Variants in GPR37 observed in about 807,000 individuals in gnomAD.
The protein encoded by GPR37 is prosaposin receptor GPR37.
GPR37 carries 20 observed loss-of-function variants against 43.6 expected under a neutral mutation model. The ratio of observed to expected loss-of-function variants is 0.46; its 90% confidence interval spans 0.32 to 0.67. The LOEUF (loss-of-function observed/expected upper bound fraction) is 0.67. Among genes scored for constraint, GPR37 ranks in the 30% least tolerant of loss-of-function variants. The pLI, the probability that GPR37 is intolerant of heterozygous loss-of-function variation, is 0.03. For synonymous variants in GPR37, 315 were observed against 322.6 expected (o/e 0.98, Z 0.25); for missense variants, 724 against 797.2 (o/e 0.91, Z 1.11).
At position 124,764,135 on chromosome 7, in the gene GPR37, G is replaced by T. The variant is rs1194102577; in HGVS notation, c.842C>A (p.Ala281Glu). ...IFGTGIIGNL[A>E]VMCIVCHNYY... is the part of the protein sequence containing the mutation. ...GTTGTGGCACACGATGCACATCACC[G>T]CCAGGTTGCCAATGATGCCGGTCCC... The change falls in exon 1 of 2, where the codon GCG becomes GAG. Residue 281 changes from alanine (A) to glutamate (E), a missense_variant. By Grantham distance (107) the Ala-to-Glu change is moderately radical. Transcript: ENST00000303921. This position sits in a 1 kb window ranked among gnomAD's most constrained non-coding sequence, Gnocchi z 5.4. 3.7e-6 allele frequency: 6 copies of T among 1,608,944 alleles called. No homozygotes were observed. The highest frequency in any genetic ancestry group is 5.1e-6 in the Non-Finnish European group (6 of 1,177,086).
In GPR37 at chr7:124,764,933, A is replaced by T; in HGVS notation, c.44T>A (p.Leu15Gln). The T allele has an allele frequency of 6.5e-7, 1 of 1,539,040 alleles. No individual in the cohort carries two copies. Among genetic ancestry groups the T allele is most frequent in the Non-Finnish European group, 8.7e-7 (1 of 1,145,600 alleles). Reference protein sequence around the residue: ...GALLARMSRLLLLLLLKVSAS... With the variant: ...GALLARMSRLQLLLLLKVSAS... Reference sequence around the variant, plus strand: ...AGACACCTTGAGCAGTAGCAGAAGCAGTAGCCGCGACATGCGGGCGAGAAG... The same window carrying T: ...AGACACCTTGAGCAGTAGCAGAAGCTGTAGCCGCGACATGCGGGCGAGAAG... The change falls in exon 1 of 2, where the codon CTG becomes CAG. Residue 15 changes from leucine (L) to glutamine (Q), a missense_variant. Physicochemically the swap from Leu to Gln is moderately radical, Grantham distance 113. Around this residue, in one of 2 missense-constraint regions of GPR37, gnomAD observed 382 missense variants for 355.4 expected, o/e 1.07. Transcript: ENST00000303921. The surrounding 1 kb of genome is among the most constrained non-coding windows in gnomAD (Gnocchi z 5.4).
At chr7:124,762,892 C>T (rs1793867030) in intron 1 of GPR37, among the ~76,000 whole-genome samples, 1 of 152,162 alleles carries the variant, frequency 6.6e-6, no homozygotes, top group Non-Finnish European at 1.5e-5. Flanking sequence ...TACAGTTTCC[C>T]TTCTTCTGCT....
rs1448456566 is a variant in GPR37, at chr7:124,764,896, G to C, written c.81C>G (p.Ala27=). 6.2e-7 allele frequency: 1 copy of C among 1,601,982 alleles called. No homozygotes were observed. The highest frequency in any genetic ancestry group is 8.5e-7 in the Non-Finnish European group (1 of 1,174,970). Residue 27 remains alanine (A), a synonymous_variant, in exon 1 of 2, where the codon GCC becomes GCG. Transcript: ENST00000303921. The surrounding 1 kb of genome is among the most constrained non-coding windows in gnomAD (Gnocchi z 5.4). The part of the protein sequence containing the change: ...LLLLKVSASS[A]LGVAPASRNE... ...TTCTGGACGCAGGGGCGACCCCGAG[G>C]GCAGAAGAGGCAGACACCTTGAGCA...
rs989918867 is a variant in GPR37 at position 124,765,776 on chromosome 7, C to G, written c.-800G>C. ...CTCGTCGGTGGACAGTGCCGCTAGC[C>G]GCGGGAGCTAGTCACTGCCACAGCG... On this transcript the variant is annotated 5_prime_UTR_variant, in exon 1 of 2. Coordinates refer to ENST00000303921, the MANE Select transcript of GPR37 (RefSeq NM_005302.5). 2 of 152,312 alleles carry G rather than the reference C, an allele frequency of 1.3e-5. No homozygotes were observed. The highest frequency in any genetic ancestry group is 4.8e-5 in the African/African-American group (2 of 41,462). The allele number at this position is 152,312 out of a possible 1,614,324, so 9.4% of individuals were successfully genotyped here. A position where few individuals can be genotyped will look rare whatever the true frequency, so the allele number is the denominator to read the frequency against.
At chr7:124,755,819 C>T (rs1445986772) in intron 1 of GPR37, among the ~76,000 whole-genome samples, 3 of 152,122 alleles carry the variant, frequency 2.0e-5, no homozygotes, top group African/African-American at 4.8e-5. Flanking sequence ...CCTAGTCAAT[C>T]TTAAAGTGAC....
At chr7:124,752,675 A>G (rs764076900) in intron 1 of GPR37, among the ~76,000 whole-genome samples, 1 of 152,198 alleles carries the variant, frequency 6.6e-6, no homozygotes, top group Non-Finnish European at 1.5e-5. Context: ...CAGGCTGACC[A>G]AATTATAAAA....
Position 124,747,142 on chromosome 7 carries a change from C to T in GPR37, c.1225G>A (p.Gly409Arg). 6.2e-7 allele frequency: 1 copy of T among 1,613,988 alleles called. No individual in the cohort carries two copies. Among genetic ancestry groups the T allele is most frequent in the Non-Finnish European group, 8.5e-7 (1 of 1,179,926 alleles). Reference protein sequence around the residue: ...VLRQLSKEDLGFSGRAPAERC... With the variant: ...VLRQLSKEDLRFSGRAPAERC... ...TCTGCCGGAGCTCGGCCACTAAACC[C>T]CAAATCCTCCTTGCTCAGCTGGCGG... Residue 409 changes from glycine to arginine, a missense_variant, in exon 2 of 2, where the codon GGG becomes AGG. This residue lies in a region of GPR37 where 342 missense variants were observed against 441.8 expected (regional missense o/e 0.77). Coordinates refer to ENST00000303921, the MANE Select transcript of GPR37 (RefSeq NM_005302.5).
rs573110418 is a variant in GPR37, at chr7:124,746,356, T to C, written c.*169A>G. On this transcript the variant is annotated 3_prime_UTR_variant, in exon 2 of 2. Coordinates refer to ENST00000303921, the MANE Select transcript of GPR37 (RefSeq NM_005302.5). ...TTCTTAAATAACTAAATAGAAACTTTTTTTCAAAGCACAAATATTAATTTG... is the reference window on the plus strand; with the variant it reads ...TTCTTAAATAACTAAATAGAAACTTCTTTTCAAAGCACAAATATTAATTTG... 2.1e-6 allele frequency: 1 copy of C among 483,770 alleles called. No individual in the cohort carries two copies. The highest frequency in any genetic ancestry group is 2.0e-5 in the African/African-American group (1 of 49,986). The allele number at this position is 483,770 out of a possible 1,614,324, so 30.0% of individuals were successfully genotyped here. A position where few individuals can be genotyped will look rare whatever the true frequency, so the allele number is the denominator to read the frequency against.
In GPR37 at chr7:124,764,615, C is replaced by T. The variant is rs780313583; in HGVS notation, c.362G>A (p.Arg121Lys). The part of the protein sequence containing the change: ...GPPTRPPGPW[R>K]WKGARGQEPS... ...CTCCTGACCCCGAGCACCTTTCCAC[C>T]TCCAGGGGCCAGGTGGCCTGGTTGG... Residue 121 changes from arginine to lysine, a missense_variant, in exon 1 of 2, where the codon AGG (arginine) becomes AAG (lysine). Coordinates refer to ENST00000303921, the MANE Select transcript of GPR37 (RefSeq NM_005302.5). The surrounding 1 kb of genome is among the most constrained non-coding windows in gnomAD (Gnocchi z 5.4). The T allele has an allele frequency of 7.5e-6, 12 of 1,595,640 alleles. No homozygotes were observed. Among genetic ancestry groups the T allele is most frequent in the South Asian group, 5.6e-5 (5 of 89,638 alleles).
chr7:124,761,189 A>G (rs1793847288), intron 1 of GPR37, among the ~76,000 whole-genome samples: 1 of 148,196 alleles, frequency 6.7e-6, no homozygotes, highest in Non-Finnish European at 1.5e-5. Flanking sequence ...ACTGTAGTGG[A>G]TGCTGTGGTT....
rs1793678750 is a variant in GPR37 at position 124,746,953 on chromosome 7, C to T, written c.1414G>A (p.Ala472Thr). 1.9e-6 allele frequency: 3 copies of T among 1,613,940 alleles called. No homozygotes were observed. Among genetic ancestry groups the T allele is most frequent in the Non-Finnish European group, 1.7e-6 (2 of 1,179,966 alleles). The change falls in exon 2 of 2, where the codon GCA becomes ACA. Residue 472 changes from alanine (A) to threonine (T), a missense_variant. Physicochemically the swap from Ala to Thr is moderately conservative, Grantham distance 58 (BLOSUM62 0). Around this residue, in one of 2 missense-constraint regions of GPR37, gnomAD observed 342 missense variants for 441.8 expected, o/e 0.77. Transcript: ENST00000303921. ...SLVTARKIRK[A>T]EKACTRGNKR... is the part of the protein sequence containing the mutation. ...TTCCCTCGGGTACAGGCTTTCTCTG[C>T]TTTGCGGATTTTCCTCGCAGTCACT...
At chr7:124,753,114 TAATA>T (rs1422488950) in intron 1 of GPR37, among the ~76,000 whole-genome samples, 1 of 152,094 alleles carries the variant, frequency 6.6e-6, no homozygotes, top group Non-Finnish European at 1.5e-5. Flanking sequence ...TCTTAAATGA[TAATA>T]TAGAGATAAT....
chr7:124,763,268 T>C (rs1793870660), intron 1 of GPR37, among the ~76,000 whole-genome samples: 1 of 152,224 alleles, frequency 6.6e-6, no homozygotes, highest in South Asian at 2.1e-4. Context: ...GCCAAAGTCT[T>C]ATTTTTGCTT....
Position 124,746,441 on chromosome 7 carries a change from C to A in GPR37, c.*84G>T. The A allele has an allele frequency of 1.0e-6, 1 of 996,002 alleles. No individual in the cohort carries two copies. Among genetic ancestry groups the A allele is most frequent in the Non-Finnish European group, 1.5e-6 (1 of 686,334 alleles). 61.7% of individuals were successfully genotyped at this position (996,002 alleles called of 1,614,324 possible). A position where few individuals can be genotyped will look rare whatever the true frequency, so the allele number is the denominator to read the frequency against. On this transcript the variant is annotated 3_prime_UTR_variant, in exon 2 of 2. Coordinates refer to ENST00000303921, the MANE Select transcript of GPR37 (RefSeq NM_005302.5). ...TTTATTGTTTCTTTTTTGCATTTTTCCCTATAAGGAAAAATATGAATTAAA... is the reference window on the plus strand; with the variant it reads ...TTTATTGTTTCTTTTTTGCATTTTTACCTATAAGGAAAAATATGAATTAAA...
At chr7:124,758,153 T>C (rs564354083) in intron 1 of GPR37, among the ~76,000 whole-genome samples, 3 of 152,330 alleles carry the variant, frequency 2.0e-5, no homozygotes, top group Admixed American at 1.3e-4. Flanking sequence ...TTGAATATTA[T>C]AAAACTTTTC....
At chr7:124,750,726 G>C (rs987312798) in intron 1 of GPR37, among the ~76,000 whole-genome samples, 1 of 152,142 alleles carries the variant, frequency 6.6e-6, no homozygotes, top group African/African-American at 2.4e-5. Flanking sequence ...GGGTGTGTTA[G>C]ATTACCAACT....
chr7:124,754,650 T>C (rs1469312548), intron 1 of GPR37, among the ~76,000 whole-genome samples: 1 of 152,168 alleles, frequency 6.6e-6, no homozygotes, highest in Admixed American at 6.5e-5. Context: ...TAGGCTGGCT[T>C]ATATTTTACA....
chr7:124,744,312 G>A lies in GPR37; in HGVS notation c.*2213C>T, dbSNP rs1562957124. 6.6e-6 allele frequency: 1 copy of A among 152,076 alleles called. No homozygotes were observed. The highest frequency in any genetic ancestry group is 1.5e-5 in the Non-Finnish European group (1 of 68,028). 9.4% of individuals were successfully genotyped at this position (152,076 alleles called of 1,614,324 possible). ...CATACTCAAAAACCTTAAAAGCAAA[G>A]CCCCATTTCCTGAAGCACCACCATG... On this transcript the variant is annotated 3_prime_UTR_variant, in exon 2 of 2. Coordinates refer to ENST00000303921, the MANE Select transcript of GPR37 (RefSeq NM_005302.5).
At chr7:124,756,902 GGT>G (rs1366403348) in intron 1 of GPR37, among the ~76,000 whole-genome samples, 1 of 152,114 alleles carries the variant, frequency 6.6e-6, no homozygotes, top group Non-Finnish European at 1.5e-5. Context: ...TGAAAGCAAA[GGT>G]AGACCCTCAC....
Sources: allele counts gnomAD v4.1 joint callset (sites outside exome capture counted in the v4.1 genomes callset), GRCh38; gene constraint gnomAD v4.1.1; regional missense constraint gnomAD v4.1.1; non-coding constraint Gnocchi (gnomAD v3.1); transcripts MANE v1.5; gene names NCBI Gene and HGNC (gene_info 2026-07-23, HGNC 2026-07-21).